Variants in PAX1 observed in about 807,000 individuals in gnomAD.
PAX1 encodes paired box 1.
In PAX1, 18 loss-of-function variants were observed where a neutral mutation model predicts 35.6. That is an observed-to-expected ratio of 0.50 (90% CI 0.35 to 0.75). PAX1 has a LOEUF of 0.75. PAX1 is among the 30% of genes least tolerant of loss of function. PAX1 has a pLI of 0.01. For missense variants in PAX1, 760 were observed against 661.5 expected (o/e 1.15, Z -1.63); for synonymous variants, 397 against 305.2 (o/e 1.30, Z -3.14).
rs368123079 is a variant in PAX1, at chr20:21,709,456, A to C, written c.1282+12A>C. The C allele has an allele frequency of 5.0e-3, 7,545 of 1,509,864 alleles. 22 individuals are homozygous for C. The highest frequency in any genetic ancestry group is 6.3e-3 in the Non-Finnish European group (7,100 of 1,132,648). The allele number at this position is 1,509,864 out of a possible 1,614,324, so 93.5% of individuals were successfully genotyped here. On this transcript the variant is annotated intron_variant, in intron 4 of 4. Transcript: ENST00000613128. ...TCCCAGCCGAGAAGGTGAGGAGCGC[A>C]GGGAGTGGGGCGGGTGGATGCTGGA...
At position 21,716,783 on chromosome 20, in the gene PAX1, C is replaced by T. The variant is rs926504962; in HGVS notation, c.*2221C>T. ...GAAGCATGTTCCCAAGTCCCCCATC[C>T]TCTCAGCCTGTCTCCTTGTGCTTAG... On this transcript the variant is annotated 3_prime_UTR_variant, in exon 5 of 5. Coordinates refer to ENST00000613128, the MANE Select transcript of PAX1 (RefSeq NM_001257096.2). The T allele has an allele frequency of 4.6e-5, 7 of 152,200 alleles. No individual in the cohort carries two copies. Among genetic ancestry groups the T allele is most frequent in the African/African-American group, 1.7e-4 (7 of 41,440 alleles). The allele number at this position is 152,200 out of a possible 1,614,324, so 9.4% of individuals were successfully genotyped here. A position where few individuals can be genotyped will look rare whatever the true frequency, so the allele number is the denominator to read the frequency against.
At chr20:21,708,314 C>T in intron 2 of PAX1, 1 of 623,132 alleles carries the variant, frequency 1.6e-6, no homozygotes, top group Non-Finnish European at 2.9e-6. Flanking sequence ...CAGCAGCAGC[C>T]TCCCGTTCGT....
rs1339510989 is a variant in PAX1, at chr20:21,717,539, A to G, written c.*2977A>G. Reference sequence around the variant, plus strand: ...ATTTAAATATTTTCCAAAAGATCCCATTGGAATATTGCACTTTTGCTCTTT... The same window carrying G: ...ATTTAAATATTTTCCAAAAGATCCCGTTGGAATATTGCACTTTTGCTCTTT... On this transcript the variant is annotated 3_prime_UTR_variant, in exon 5 of 5. Coordinates refer to ENST00000613128, the MANE Select transcript of PAX1 (RefSeq NM_001257096.2). The G allele has an allele frequency of 6.6e-6, 1 of 152,170 alleles. No homozygotes were observed. The allele number at this position is 152,170 out of a possible 1,614,324, so 9.4% of individuals were successfully genotyped here. A position where few individuals can be genotyped will look rare whatever the true frequency, so the allele number is the denominator to read the frequency against.
Position 21,706,510 on chromosome 20 carries a change from G to A in PAX1, c.359G>A (p.Arg120His), listed in dbSNP as rs965282548. Residue 120 changes from arginine (R) to histidine (H), a missense_variant, in exon 2 of 5, where the codon CGC becomes CAC. By Grantham distance (29) the Arg-to-His change is conservative. Coordinates refer to ENST00000613128, the MANE Select transcript of PAX1 (RefSeq NM_001257096.2). The surrounding 1 kb of genome is among the most constrained non-coding windows in gnomAD (Gnocchi z 5.3). Reference sequence around the variant, plus strand: ...GGCCGCCCCCTGCCCAACGCCATCCGCTTGCGCATTGTGGAGCTGGCGCAG... The same window carrying A: ...GGCCGCCCCCTGCCCAACGCCATCCACTTGCGCATTGTGGAGCTGGCGCAG... Reference protein sequence around the residue: ...VNGRPLPNAIRLRIVELAQLG... With the variant: ...VNGRPLPNAIHLRIVELAQLG... 6.2e-7 allele frequency: 1 copy of A among 1,612,388 alleles called. No homozygotes were observed. Among genetic ancestry groups the A allele is most frequent in the Non-Finnish European group, 8.5e-7 (1 of 1,179,904 alleles).
chr20:21,712,676 T>A (rs1007567820), intron 4 of PAX1, among the ~76,000 whole-genome samples: 1 of 152,242 alleles, frequency 6.6e-6, no homozygotes, highest in African/African-American at 2.4e-5. Context: ...TTTTATTTGT[T>A]AAAGATAACT....
chr20:21,714,013 G>A (rs1285498255), intron 4 of PAX1, among the ~76,000 whole-genome samples: 1 of 152,250 alleles, frequency 6.6e-6, no homozygotes, highest in Non-Finnish European at 1.5e-5. Flanking sequence ...CGGACTCGAC[G>A]CATTGGCTGC....
chr20:21,717,261 C>A lies in PAX1; in HGVS notation c.*2699C>A, dbSNP rs1195585641. 1 of 152,248 alleles carries A rather than the reference C, an allele frequency of 6.6e-6. No homozygotes were observed. Among genetic ancestry groups the A allele is most frequent in the Non-Finnish European group, 1.5e-5 (1 of 68,100 alleles). 9.4% of individuals were successfully genotyped at this position (152,248 alleles called of 1,614,324 possible). ...CATGTGGGGTGTGGAGGGACATACC[C>A]CCTCTCTCGCGGCTGGGGGTCACGG... On this transcript the variant is annotated 3_prime_UTR_variant, in exon 5 of 5. Transcript: ENST00000613128.
In PAX1 at chr20:21,706,433, C is replaced by T. The variant is rs775965792; in HGVS notation, c.287-5C>T. 6.2e-7 allele frequency: 1 copy of T among 1,611,540 alleles called. No homozygotes were observed. The highest frequency in any genetic ancestry group is 8.5e-7 in the Non-Finnish European group (1 of 1,179,706). On this transcript the variant is annotated splice_region_variant and splice_polypyrimidine_tract_variant and intron_variant, in intron 1 of 4. Coordinates refer to ENST00000613128, the MANE Select transcript of PAX1 (RefSeq NM_001257096.2). This position sits in a 1 kb window ranked among gnomAD's most constrained non-coding sequence, Gnocchi z 5.3. ...CCGGCTCACTCTTGTCTGGCGCATC[C>T]GCAGAGCAGACGTATGGCGAGGTGA...
In PAX1 at chr20:21,718,103, G is replaced by T. The variant is rs547158222; in HGVS notation, c.*3541G>T. 2.6e-5 allele frequency: 4 copies of T among 152,182 alleles called. No homozygotes were observed. Among genetic ancestry groups the T allele is most frequent in the Admixed American group, 1.3e-4 (2 of 15,268 alleles). The allele number at this position is 152,182 out of a possible 1,614,324, so 9.4% of individuals were successfully genotyped here. A position where few individuals can be genotyped will look rare whatever the true frequency, so the allele number is the denominator to read the frequency against. On this transcript the variant is annotated 3_prime_UTR_variant, in exon 5 of 5. Coordinates refer to ENST00000613128, the MANE Select transcript of PAX1 (RefSeq NM_001257096.2). ...TATTACCGAGGATTTATTAAAAACAGGGTATTTGTAAAGAGGGCCAGCTTC... is the reference window on the plus strand; with the variant it reads ...TATTACCGAGGATTTATTAAAAACATGGTATTTGTAAAGAGGGCCAGCTTC...
Position 21,706,011 on chromosome 20 carries a change from C to A in PAX1, c.286+13C>A, listed in dbSNP as rs560981486. The A allele has an allele frequency of 3.1e-5, 46 of 1,464,634 alleles. No homozygotes were observed. The highest frequency in any genetic ancestry group is 3.8e-5 in the Non-Finnish European group (43 of 1,116,952). 90.7% of individuals were successfully genotyped at this position (1,464,634 alleles called of 1,614,324 possible). ...CCGCTCGCTATGGGTAAGGGGCGGGCGACAGGCAGGGCTCGGGAGGGCTGA... is the reference window on the plus strand; with the variant it reads ...CCGCTCGCTATGGGTAAGGGGCGGGAGACAGGCAGGGCTCGGGAGGGCTGA... On this transcript the variant is annotated intron_variant, in intron 1 of 4. Coordinates refer to ENST00000613128, the MANE Select transcript of PAX1 (RefSeq NM_001257096.2). The surrounding 1 kb of genome is among the most constrained non-coding windows in gnomAD (Gnocchi z 5.3).
chr20:21,706,580 C>G lies in PAX1; in HGVS notation c.429C>G (p.Ser143=). The change falls in exon 2 of 5, where the codon TCC becomes TCG. Residue 143 remains serine (S), a synonymous_variant. Coordinates refer to ENST00000613128, the MANE Select transcript of PAX1 (RefSeq NM_001257096.2). The surrounding 1 kb of genome is among the most constrained non-coding windows in gnomAD (Gnocchi z 5.3). The part of the protein sequence containing the change: ...PCDISRQLRV[S]HGCVSKILAR... ...ACATCAGTCGGCAGCTCCGCGTATCCCACGGCTGCGTGAGCAAGATCCTGG... is the reference window on the plus strand; with the variant it reads ...ACATCAGTCGGCAGCTCCGCGTATCGCACGGCTGCGTGAGCAAGATCCTGG... 2 of 1,612,260 alleles carry G rather than the reference C, an allele frequency of 1.2e-6. No individual in the cohort carries two copies. Among genetic ancestry groups the G allele is most frequent in the Non-Finnish European group, 1.7e-6 (2 of 1,180,012 alleles).
Position 21,706,189 on chromosome 20 carries a change from G to A in PAX1, c.286+191G>A, listed in dbSNP as rs1984986898. The stretch of plus-strand genomic sequence containing the variant: ...TGGGAAGGGAGTGTTCCAAGTAGAC[G>A]CGCTAAAAGTCGCGAAAGGGCACGG... On this transcript the variant is annotated intron_variant, in intron 1 of 4. Coordinates refer to ENST00000613128, the MANE Select transcript of PAX1 (RefSeq NM_001257096.2). The surrounding 1 kb of genome is among the most constrained non-coding windows in gnomAD (Gnocchi z 5.3). 2 of 771,446 alleles carry A rather than the reference G, an allele frequency of 2.6e-6. No homozygotes were observed. Among genetic ancestry groups the A allele is most frequent in the Non-Finnish European group, 2.2e-6 (1 of 449,130 alleles). The allele number at this position is 771,446 out of a possible 1,614,324, so 47.8% of individuals were successfully genotyped here.
chr20:21,706,094 C>A lies in PAX1; in HGVS notation c.286+96C>A, dbSNP rs1392509044. 1.9e-6 allele frequency: 2 copies of A among 1,070,270 alleles called. No individual in the cohort carries two copies. Among genetic ancestry groups the A allele is most frequent in the African/African-American group, 3.1e-5 (2 of 63,556 alleles). 66.3% of individuals were successfully genotyped at this position (1,070,270 alleles called of 1,614,324 possible). A position where few individuals can be genotyped will look rare whatever the true frequency, so the allele number is the denominator to read the frequency against. ...CTCTCGTCCGCTTTCCCTGGGCGAC[C>A]CAGTCCTGGGTCCTGGAGAAGCTGC... is the stretch of plus-strand genomic sequence containing the variant. On this transcript the variant is annotated intron_variant, in intron 1 of 4. Coordinates refer to ENST00000613128, the MANE Select transcript of PAX1 (RefSeq NM_001257096.2). The surrounding 1 kb of genome is among the most constrained non-coding windows in gnomAD (Gnocchi z 5.3).
Position 21,716,506 on chromosome 20 carries a change from C to CTTTTTTTT in PAX1, c.*1956_*1963dup, listed in dbSNP as rs72279045. On this transcript the variant is annotated 3_prime_UTR_variant, in exon 5 of 5. Coordinates refer to ENST00000613128, the MANE Select transcript of PAX1 (RefSeq NM_001257096.2). ...TCTTCTCAGATTCAAAGTCTCTTGT[C>CTTTTTTTT]TTTTTTTTTTTTTTTTTTTAAAGTT... The CTTTTTTTT allele has an allele frequency of 8.3e-6, 1 of 120,028 alleles. No homozygotes were observed. The highest frequency in any genetic ancestry group is 2.3e-4 in the East Asian group (1 of 4,368). 7.4% of individuals were successfully genotyped at this position (120,028 alleles called of 1,614,324 possible). A position where few individuals can be genotyped will look rare whatever the true frequency, so the allele number is the denominator to read the frequency against.
Position 21,709,370 on chromosome 20 carries a change from C to T in PAX1, c.1208C>T (p.Pro403Leu), listed in dbSNP as rs770177247. The T allele has an allele frequency of 1.3e-6, 2 of 1,571,612 alleles. No individual in the cohort carries two copies. Among genetic ancestry groups the T allele is most frequent in the South Asian group, 1.1e-5 (1 of 87,794 alleles). The change falls in exon 4 of 5, where the codon CCC becomes CTC. Residue 403 changes from proline (P) to leucine (L), a missense_variant. Transcript: ENST00000613128. ...WPPAQGPPLA[P>L]PGAGVAVHGG... ...CCTGCGCAAGGTCCTCCTCTGGCGC[C>T]CCCCGGGGCCGGCGTAGCTGTGCAT...
At chr20:21,710,739 G>A (rs1985176576) in intron 4 of PAX1, among the ~76,000 whole-genome samples, 1 of 152,220 alleles carries the variant, frequency 6.6e-6, no homozygotes, top group African/African-American at 2.4e-5. Flanking sequence ...ATCCACAACA[G>A]TGAAATGAAG....
intron 4 of PAX1, among the ~76,000 whole-genome samples, chr20:21,713,818 G>C (rs1261755024): frequency 2.6e-5 from 4 of 152,252 alleles, no homozygotes; most frequent in Non-Finnish European, 5.9e-5. Flanking sequence ...AGGACGTGCT[G>C]TGCCCACAGT....
At chr20:21,707,191 C>A in intron 2 of PAX1, 124 bp downstream of exon 2, 1 of 1,226,768 alleles carries the variant, frequency 8.2e-7, no homozygotes, top group Non-Finnish European at 1.2e-6. Context: ...GAGGGCTCCA[C>A]ACTGGCCAGG....
At chr20:21,709,158 G>A in intron 3 of PAX1, 64 bp from the exon 4 acceptor site, 1 of 1,250,230 alleles carries the variant, frequency 8.0e-7, no homozygotes, top group East Asian at 2.3e-5. Context: ...CCCCGTCTCA[G>A]TGATGGCGTG....
Sources: gnomAD v4.1 joint callset for allele counts (sites outside exome capture counted in the v4.1 genomes callset) on GRCh38, gnomAD v4.1.1 for gene constraint, Gnocchi (gnomAD v3.1) non-coding constraint, MANE v1.5 for transcripts, NCBI Gene and HGNC (gene_info 2026-07-23, HGNC 2026-07-21) for gene names.